ITPR2: variants seen among roughly 807,000 people sequenced by gnomAD.
ITPR2 encodes inositol 1,4,5-trisphosphate-gated calcium channel ITPR2.
A neutral mutation model predicts 317.1 loss-of-function variants in ITPR2; 207 were observed. That is an observed-to-expected ratio of 0.65 (90% CI 0.58 to 0.73). The LOEUF (loss-of-function observed/expected upper bound fraction) is 0.73. Among genes scored for constraint, ITPR2 ranks in the 30% least tolerant of loss-of-function variants. ITPR2 has a pLI of 0.00. For missense variants in ITPR2, 2,613 were observed against 3,284.0 expected (o/e 0.80, Z 4.99); for synonymous variants, 1,156 against 1,149.1 (o/e 1.01, Z -0.12).
intron 9 of ITPR2, among the ~76,000 whole-genome samples, chr12:26,707,193 C>T (rs1948566910): frequency 6.6e-6 from 1 of 152,190 alleles, no homozygotes; most frequent in South Asian, 2.1e-4. Flanking sequence ...AGCATTCTAC[C>T]ATGCTGTGCA....
At chr12:26,788,520 G>A (rs1950294891) in intron 2 of ITPR2, among the ~76,000 whole-genome samples, 2 of 152,182 alleles carry the variant, frequency 1.3e-5, no homozygotes, top group Admixed American at 6.5e-5. Context: ...GTTCACCAAA[G>A]AGTGTCTAGT....
chr12:26,741,592 T>C (rs1047106252), intron 2 of ITPR2, among the ~76,000 whole-genome samples: 1 of 152,238 alleles, frequency 6.6e-6, no homozygotes, highest in African/African-American at 2.4e-5. Flanking sequence ...AGAAGGATTC[T>C]TAATGTGGGA....
rs775384764 is a variant in ITPR2 at position 26,475,314 on chromosome 12, G to C, written c.6324C>G (p.Ile2108Met). The change falls in exon 45 of 57, where the codon ATC becomes ATG. Residue 2108 changes from isoleucine (I) to methionine (M), a missense_variant. Physicochemically the swap from Ile to Met is conservative, Grantham distance 10. Coordinates refer to ENST00000381340, the MANE Select transcript of ITPR2 (RefSeq NM_002223.4). ...GTGACACCTGATGGGCCAGAATATA[G>C]ATATTGTGTCCAACATCTTTTGGAG... ...GVSPKDVGHNIYILAHQLARH... is the reference protein window; with the variant it reads ...GVSPKDVGHNMYILAHQLARH... The C allele has an allele frequency of 6.2e-7, 1 of 1,613,802 alleles. No individual in the cohort carries two copies. The highest frequency in any genetic ancestry group is 8.5e-7 in the Non-Finnish European group (1 of 1,179,892).
At chr12:26,421,558 G>A (rs948236326) in intron 49 of ITPR2, 3 of 118,250 alleles carry the variant, frequency 2.5e-5, no homozygotes, top group African/African-American at 1.1e-4. Flanking sequence ...TGAAAGTTTG[G>A]AATATTTATG....
chr12:26,803,419 A>G (rs115776605), intron 1 of ITPR2, among the ~76,000 whole-genome samples: 1,881 of 152,316 alleles, frequency 0.012, 43 homozygotes, highest in African/African-American at 0.043. Context: ...AACAAACTGC[A>G]GAAGACAAAA....
intron 1 of ITPR2, among the ~76,000 whole-genome samples, chr12:26,790,745 A>G (rs1387534445): frequency 6.6e-6 from 1 of 152,154 alleles, no homozygotes; most frequent in Non-Finnish European, 1.5e-5. Flanking sequence ...GGGAATGTGT[A>G]AGCTTATGAG....
chr12:26,421,292 C>T (rs1940883174), intron 49 of ITPR2: 1 of 152,108 alleles, frequency 6.6e-6, no homozygotes, highest in Admixed American at 6.5e-5. Context: ...ATTTTTGAAC[C>T]TTGATCTAGA....
intron 21 of ITPR2, among the ~76,000 whole-genome samples, chr12:26,646,879 C>G (rs974315761): frequency 6.6e-6 from 1 of 152,026 alleles, no homozygotes; most frequent in Non-Finnish European, 1.5e-5. Context: ...TGGGAATAGG[C>G]CCACATTTCA....
chr12:26,429,454 C>T (rs945442891), intron 48 of ITPR2, among the ~76,000 whole-genome samples: 3 of 152,086 alleles, frequency 2.0e-5, no homozygotes, highest in Non-Finnish European at 2.9e-5. Context: ...ATACAGGTAC[C>T]CTACTCGTGT....
chr12:26,380,251 A>T (rs553882102), intron 55 of ITPR2, among the ~76,000 whole-genome samples: 1 of 152,206 alleles, frequency 6.6e-6, no homozygotes, highest in South Asian at 2.1e-4. Context: ...TCTGTTTCAC[A>T]AACTAATAAG....
At chr12:26,428,897 G>A (rs529221161) in intron 48 of ITPR2, among the ~76,000 whole-genome samples, 1 of 152,344 alleles carries the variant, frequency 6.6e-6, no homozygotes, top group African/African-American at 2.4e-5. Flanking sequence ...TTCTTGGGCT[G>A]ATTGGATCAG....
At chr12:26,653,199 T>C (rs1276732914) in intron 21 of ITPR2, among the ~76,000 whole-genome samples, 1 of 151,878 alleles carries the variant, frequency 6.6e-6, no homozygotes, top group Non-Finnish European at 1.5e-5. Flanking sequence ...CATTCACTCC[T>C]TCTCTGGCGT....
At chr12:26,391,811 C>T (rs73284367) in intron 54 of ITPR2, among the ~76,000 whole-genome samples, 8,721 of 151,892 alleles carry the variant, frequency 0.057, 825 homozygotes, top group African/African-American at 0.2. Flanking sequence ...CTTATATGCT[C>T]GCCTCGGCCT....
chr12:26,534,562 T>C (rs560061193), intron 37 of ITPR2, among the ~76,000 whole-genome samples: 2 of 152,190 alleles, frequency 1.3e-5, no homozygotes, highest in South Asian at 2.1e-4. Context: ...AACAACGGAG[T>C]ATTCTCACTT....
chr12:26,393,283 T>C (rs1339836045), intron 54 of ITPR2, among the ~76,000 whole-genome samples: 1 of 152,244 alleles, frequency 6.6e-6, no homozygotes, highest in Non-Finnish European at 1.5e-5. Flanking sequence ...TCTAGACCAG[T>C]CACTATTTTA....
At chr12:26,819,944 G>A (rs535303408) in intron 1 of ITPR2, among the ~76,000 whole-genome samples, 1 of 152,190 alleles carries the variant, frequency 6.6e-6, no homozygotes, top group South Asian at 2.1e-4. Flanking sequence ...GGTGGCACGA[G>A]CCTGTAGTCG....
At chr12:26,594,034 A>G (rs1945776466) in intron 32 of ITPR2, among the ~76,000 whole-genome samples, 1 of 152,184 alleles carries the variant, frequency 6.6e-6, no homozygotes, top group African/African-American at 2.4e-5. Context: ...ATTGGCATGG[A>G]AGTCACTCCT....
chr12:26,434,096 C>T (rs1203152780), intron 48 of ITPR2, among the ~76,000 whole-genome samples: 1 of 152,068 alleles, frequency 6.6e-6, no homozygotes, highest in African/African-American at 2.4e-5. Flanking sequence ...CCCTTCCCAC[C>T]ATTAATGGGT....
chr12:26,632,661 GAA>G (rs1946781560), intron 21 of ITPR2, among the ~76,000 whole-genome samples: 1 of 152,120 alleles, frequency 6.6e-6, no homozygotes, highest in African/African-American at 2.4e-5. Flanking sequence ...CATCCAATTT[GAA>G]TAGAAAACCA....
Sources: allele counts gnomAD v4.1 joint callset (sites outside exome capture counted in the v4.1 genomes callset), GRCh38; gene constraint gnomAD v4.1.1; transcripts MANE v1.5; gene names NCBI Gene and HGNC (gene_info 2026-07-23, HGNC 2026-07-21).